Variants in RP1 observed in about 807,000 individuals in gnomAD.
RP1 encodes RP1 axonemal microtubule associated.
A neutral mutation model predicts 14.8 loss-of-function variants in RP1; 16 were observed. The ratio of observed to expected loss-of-function variants is 1.08; its 90% CI spans 0.73 to 1.65. RP1 has a LOEUF of 1.65. Ranked by LOEUF, RP1 falls within the 40% of genes most tolerant of loss-of-function variation. The probability of loss-of-function intolerance (pLI) is 0.00; values close to 1 mark genes in which losing one functional copy is unlikely to be tolerated. For synonymous variants in RP1, 876 were observed against 883.6 expected, an observed-to-expected ratio of 0.99 and a Z score of 0.15; for missense variants, 2,631 against 2,535.0, an observed-to-expected ratio of 1.04 and a Z score of -0.81.
At chr8:54,740,356 G>A (rs1422893434) in intron 19 of RP1, among the ~76,000 whole-genome samples, 2 of 139,404 alleles carry the variant, frequency 1.4e-5, no homozygotes, top group Non-Finnish European at 3.0e-5. Flanking sequence ...AGGCCTAGGC[G>A]AATGTGTATG....
chr8:54,705,591 G>T (rs150118922), intron 14 of RP1, among the ~76,000 whole-genome samples: 15 of 152,272 alleles, frequency 9.9e-5, no homozygotes, highest in African/African-American at 3.4e-4. Flanking sequence ...AAGCTCTGCA[G>T]GCAAACAACA....
At chr8:54,566,484 C>T (rs984788571) in intron 1 of RP1, among the ~76,000 whole-genome samples, 1 of 152,164 alleles carries the variant, frequency 6.6e-6, no homozygotes, top group Non-Finnish European at 1.5e-5. Flanking sequence ...TGAAGGACCT[C>T]ACAGGGTAAA....
intron 12 of RP1, chr8:54,680,033 C>G: frequency 7.1e-7 from 1 of 1,414,706 alleles, no homozygotes; most frequent in South Asian, 1.6e-5. Flanking sequence ...GTTCTTTTTA[C>G]AGATGGCTTT....
At chr8:54,634,741 G>A (rs1029324409), downstream of RP1, among the ~76,000 whole-genome samples, 1 of 152,124 alleles carries the variant, frequency 6.6e-6, no homozygotes, top group African/African-American at 2.4e-5. Flanking sequence ...CGTTCATCTT[G>A]TTCTAGACAA....
chr8:54,797,530 A>AACACACACAC lies in RP1; in HGVS notation c.3615+13839_3615+13848dup, dbSNP rs3077304. Among the ~76,000 whole-genome samples, 679 of 148,390 alleles carry AACACACACAC rather than the reference A, an allele frequency of 4.6e-3. 6 individuals carry two copies. The highest frequency in any genetic ancestry group is 0.013 in the African/African-American group (533 of 40,352). On this transcript the variant is annotated intron_variant, in intron 24 of 28. Transcript: ENST00000637698. ...AGCTGAACTGAGTCACATAGGACTA[A>AACACACACAC]ACACACACACACACACACACACACA... is the stretch of plus-strand genomic sequence containing the variant.
intron 7 of RP1, among the ~76,000 whole-genome samples, chr8:54,664,757 A>G (rs1032306431): frequency 1.3e-5 from 2 of 152,144 alleles, no homozygotes; most frequent in East Asian, 1.9e-4. Flanking sequence ...AAAACCAAAT[A>G]CTGTATGTTC....
At chr8:54,852,635 T>C (rs2129408496) in exon 26 of RP1, 5 of 1,231,936 alleles carry the variant, frequency 4.1e-6, no homozygotes, top group Non-Finnish European at 5.1e-6. Context: ...CAGAGTCTAA[T>C]GTATTTATCA....
chr8:54,775,026 T>C (rs1052955961), intron 23 of RP1, among the ~76,000 whole-genome samples: 4 of 151,990 alleles, frequency 2.6e-5, no homozygotes, highest in African/African-American at 9.7e-5. Flanking sequence ...CTTTCCTGGG[T>C]TCTACTCACC....
chr8:54,561,131 T>G (rs10504168), intron 1 of RP1: 123,364 of 151,996 alleles, frequency 0.81, 50,811 homozygotes, highest in Non-Finnish European at 0.89. Context: ...CTCAGAAGGG[T>G]ATCTCTCAGT....
intron 7 of RP1, among the ~76,000 whole-genome samples, chr8:54,670,159 A>G (rs1270059701): frequency 6.6e-6 from 1 of 152,088 alleles, no homozygotes; most frequent in African/African-American, 2.4e-5. Flanking sequence ...GATACTTTAT[A>G]TTATTTTAAT....
intron 19 of RP1, among the ~76,000 whole-genome samples, chr8:54,743,030 T>C (rs779512960): frequency 3.9e-5 from 6 of 152,168 alleles, no homozygotes; most frequent in Non-Finnish European, 8.8e-5. Flanking sequence ...AATTAATTGA[T>C]TGAATTGAGC....
At chr8:54,657,436 G>T (rs992423996) in intron 6 of RP1, among the ~76,000 whole-genome samples, 1 of 152,020 alleles carries the variant, frequency 6.6e-6, no homozygotes, top group Non-Finnish European at 1.5e-5. Context: ...GACATGGCTT[G>T]GTATTCTAAC....
chr8:54,611,859 C>A (rs904015427), upstream of RP1, among the ~76,000 whole-genome samples: 1 of 150,274 alleles, frequency 6.7e-6, no homozygotes, highest in Non-Finnish European at 1.5e-5. Flanking sequence ...TTGTTGTTTT[C>A]TTTCCCTCCC....
chr8:54,809,444 G>A lies in RP1; in HGVS notation c.3615+25734G>A, dbSNP rs145955644. Among the ~76,000 whole-genome samples, 192 of 152,212 alleles carry A rather than the reference G, an allele frequency of 1.3e-3. 2 individuals carry two copies. The East Asian group carries it at 0.031, about 24-fold the overall frequency. ...GGGGTTCAGTGGCAGAGATGGAGTC[G>A]ACTGCTGGCATCTGAATTATGTATT... On this transcript the variant is annotated intron_variant, in intron 24 of 28. Transcript: ENST00000637698.
At chr8:54,600,058 G>A (rs1272685668) in intron 1 of RP1, among the ~76,000 whole-genome samples, 2 of 152,126 alleles carry the variant, frequency 1.3e-5, no homozygotes, top group African/African-American at 4.8e-5. Flanking sequence ...GTTTGGCTGT[G>A]TCTTCATCCA....
intron 1 of RP1, among the ~76,000 whole-genome samples, chr8:54,601,089 T>C (rs1805272009): frequency 6.6e-6 from 1 of 152,224 alleles, no homozygotes; most frequent in South Asian, 2.1e-4. Context: ...TCTGACCATT[T>C]CGTTTTGCCA....
chr8:54,819,638 G>A (rs151242030), intron 24 of RP1, among the ~76,000 whole-genome samples: 38 of 152,254 alleles, frequency 2.5e-4, no homozygotes, highest in African/African-American at 8.4e-4. Flanking sequence ...AAAGGGAATT[G>A]AGTGTTGTGA....
chr8:54,629,549 A>G lies in RP1; in HGVS notation c.5667A>G (p.Gln1889=). 6.2e-7 allele frequency: 1 copy of G among 1,614,008 alleles called. No individual in the cohort carries two copies. Among genetic ancestry groups the G allele is most frequent in the Non-Finnish European group, 8.5e-7 (1 of 1,180,004 alleles). The part of the protein sequence containing the change: ...YPVSDDAIKN[Q]PLPGSNMIHG... ...TCTCTGATGATGCTATTAAAAACCA[A>G]CCATTGCCTGGCAGTAATATGATTC... is the stretch of plus-strand genomic sequence containing the variant. Residue 1889 remains glutamine, a synonymous_variant, in exon 4 of 4, where the codon CAA becomes CAG. Transcript: ENST00000220676.
At chr8:54,840,867 T>C (rs937852524) in intron 25 of RP1, among the ~76,000 whole-genome samples, 1 of 152,194 alleles carries the variant, frequency 6.6e-6, no homozygotes, top group Admixed American at 6.5e-5. Context: ...AGCAGAAGAA[T>C]ATAATGTAAT....
Sources: allele counts gnomAD v4.1 joint callset (sites outside exome capture counted in the v4.1 genomes callset), GRCh38; gene constraint gnomAD v4.1.1; transcripts MANE v1.5; gene names NCBI Gene and HGNC (gene_info 2026-07-23, HGNC 2026-07-21).